Variants in GRIN2B observed in about 807,000 individuals in gnomAD.
The protein encoded by GRIN2B is glutamate receptor ionotropic, NMDA 2B.
GRIN2B carries 5 observed loss-of-function variants against 114.5 expected under a neutral mutation model. The ratio of observed to expected loss-of-function variants is 0.04; its 90% CI spans 0.02 to 0.09. GRIN2B has a LOEUF of 0.09. Ranked by LOEUF, GRIN2B falls within the 10% of genes least tolerant of loss-of-function variation. GRIN2B has a pLI of 1.00. For missense variants in GRIN2B, 1,108 were observed against 1,943.5 expected (o/e 0.57, Z 8.08); for synonymous variants, 787 against 745.1 (o/e 1.06, Z -0.92).
At chr12:13,711,508 C>T in intron 4 of GRIN2B, among the ~76,000 whole-genome samples, 1 of 152,088 alleles carries the variant, frequency 6.6e-6, no homozygotes, top group Non-Finnish European at 1.5e-5. Flanking sequence ...CCAGAATCTA[C>T]AATGAACTCC....
chr12:13,909,784 A>T (rs146547027), intron 2 of GRIN2B, among the ~76,000 whole-genome samples: 1 of 152,342 alleles, frequency 6.6e-6, no homozygotes, highest in Admixed American at 6.5e-5. Flanking sequence ...GGGTGCTGTA[A>T]ATCACAGACA....
intron 3 of GRIN2B, among the ~76,000 whole-genome samples, chr12:13,846,822 G>A (rs1207671796): frequency 3.9e-5 from 6 of 152,080 alleles, no homozygotes; most frequent in Non-Finnish European, 8.8e-5. Context: ...TCGGGAAAAT[G>A]GAAAGAGAAG....
intron 10 of GRIN2B, among the ~76,000 whole-genome samples, chr12:13,606,367 C>G (rs1949247578): frequency 1.3e-5 from 2 of 152,082 alleles, no homozygotes; most frequent in Admixed American, 6.6e-5. Flanking sequence ...AGAGAGGAAG[C>G]AAGAGAGAGG....
chr12:13,910,519 C>T (rs544802596), intron 2 of GRIN2B, among the ~76,000 whole-genome samples: 43 of 152,248 alleles, frequency 2.8e-4, no homozygotes, highest in African/African-American at 9.4e-4. Context: ...GACGCAAGTC[C>T]TCCTTCCTCT....
chr12:13,717,066 C>CGCGTGT (rs200897660), intron 4 of GRIN2B, among the ~76,000 whole-genome samples: 21 of 146,038 alleles, frequency 1.4e-4, no homozygotes, highest in African/African-American at 3.5e-4. Flanking sequence ...ATGCCATACG[C>CGCGTGT]GTGTGTGTGT....
At chr12:13,959,713 G>A (rs1471473701) in intron 2 of GRIN2B, among the ~76,000 whole-genome samples, 1 of 151,680 alleles carries the variant, frequency 6.6e-6, no homozygotes, top group Non-Finnish European at 1.5e-5. Context: ...AAGAGATGCT[G>A]ATTGAATGAA....
At chr12:13,799,648 A>G (rs1864471683) in intron 3 of GRIN2B, among the ~76,000 whole-genome samples, 1 of 152,058 alleles carries the variant, frequency 6.6e-6, no homozygotes, top group Non-Finnish European at 1.5e-5. Context: ...TTATGGGTCT[A>G]TTTAAAATCC....
chr12:13,890,451 A>T (rs1866239729), intron 2 of GRIN2B, among the ~76,000 whole-genome samples: 1 of 152,112 alleles, frequency 6.6e-6, no homozygotes, highest in African/African-American at 2.4e-5. Flanking sequence ...TCGTTTGCGG[A>T]GGACTGGAGG....
In GRIN2B at chr12:13,562,571, A is replaced by C; in HGVS notation, c.*212T>G. On this transcript the variant is annotated 3_prime_UTR_variant, in exon 14 of 14. Coordinates refer to ENST00000609686, the MANE Select transcript of GRIN2B (RefSeq NM_000834.5). ...ACAGGAATGGCTGACAGCGGGGGGA[A>C]GAAGGAGAGAACTGTGAAAAGGAGG... The C allele has an allele frequency of 1.7e-6, 1 of 575,930 alleles. No individual in the cohort carries two copies. The allele number at this position is 575,930 out of a possible 1,614,324, so 35.7% of individuals were successfully genotyped here.
intron 3 of GRIN2B, among the ~76,000 whole-genome samples, chr12:13,811,989 G>T (rs2136684826): frequency 6.6e-6 from 1 of 152,278 alleles, no homozygotes; most frequent in Non-Finnish European, 1.5e-5. Context: ...TTCCAGAAAA[G>T]GGGTCTATAG....
chr12:13,858,076 C>T (rs1395740852), intron 3 of GRIN2B, among the ~76,000 whole-genome samples: 1 of 152,108 alleles, frequency 6.6e-6, no homozygotes, highest in Non-Finnish European at 1.5e-5. Flanking sequence ...AAATCACTAC[C>T]TAAAGGTATT....
At chr12:13,581,778 C>T (rs754266473) in intron 10 of GRIN2B, among the ~76,000 whole-genome samples, 22 of 151,892 alleles carry the variant, frequency 1.4e-4, no homozygotes, top group Non-Finnish European at 2.2e-4. Context: ...GGTGTGGTGG[C>T]GCATGCCTGT....
At chr12:13,899,027 T>C (rs1866400296) in intron 2 of GRIN2B, among the ~76,000 whole-genome samples, 1 of 152,216 alleles carries the variant, frequency 6.6e-6, no homozygotes. Context: ...AGAATTCCTT[T>C]CCCCATTTTA....
At chr12:13,818,069 T>C (rs141772684) in intron 3 of GRIN2B, among the ~76,000 whole-genome samples, 5 of 152,338 alleles carry the variant, frequency 3.3e-5, no homozygotes, top group African/African-American at 7.2e-5. Context: ...GTCTGGGCAG[T>C]GAATGCCTAT....
In GRIN2B at chr12:13,925,534, C is replaced by CT. The variant is rs1456619847; in HGVS notation, c.-19+54393dup. Among the ~76,000 whole-genome samples, 3 of 152,222 alleles carry CT rather than the reference C, an allele frequency of 2.0e-5. No homozygotes were observed. The East Asian group carries it at 5.8e-4, about 29-fold the overall frequency. On this transcript the variant is annotated intron_variant, in intron 2 of 13. Transcript: ENST00000609686. ...TATGGCTCAGCAGGTCAGACCAGCA[C>CT]TTCTTACACTTTATCTCTCCCTGGA...
chr12:13,954,463 C>T (rs1867549693), intron 2 of GRIN2B, among the ~76,000 whole-genome samples: 1 of 152,104 alleles, frequency 6.6e-6, no homozygotes, highest in African/African-American at 2.4e-5. Context: ...CATTGGTCAT[C>T]AGGCTCTTAC....
At position 13,860,779 on chromosome 12, in the gene GRIN2B, G is replaced by T. The variant is rs564575205; in HGVS notation, c.411+5019C>A. Among the ~76,000 whole-genome samples the T allele has an allele frequency of 3.3e-5, 5 of 152,260 alleles. No individual in the cohort carries two copies. In the South Asian group the frequency reaches 1.0e-3, roughly 32 times the overall value. ...ATCAACATGTCTATTTCCAGATCCT[G>T]ACCCTTTACTCAGCATACCCTTTTC... On this transcript the variant is annotated intron_variant, in intron 3 of 13. Transcript: ENST00000609686.
intron 5 of GRIN2B, among the ~76,000 whole-genome samples, chr12:13,626,129 T>A (rs1949563667): frequency 1.3e-5 from 2 of 152,174 alleles, no homozygotes; most frequent in Non-Finnish European, 2.9e-5. Context: ...ACCTTCTCCT[T>A]TGATGTGCCT....
Position 13,890,614 on chromosome 12 carries a change from A to G in GRIN2B, c.-18-24388T>C, listed in dbSNP as rs117234555. Among the ~76,000 whole-genome samples the G allele has an allele frequency of 4.7e-3, 711 of 152,294 alleles. 3 individuals are homozygous for G. The highest frequency in any genetic ancestry group is 0.014 in the South Asian group (66 of 4,818). On this transcript the variant is annotated intron_variant, in intron 2 of 13. Coordinates refer to ENST00000609686, the MANE Select transcript of GRIN2B (RefSeq NM_000834.5). ...CTCACACTATTTTTACTTAGTGTAT[A>G]TATTTCTTGAGAAGAAGGGGTGCTT... is the stretch of plus-strand genomic sequence containing the variant.
Sources: allele counts gnomAD v4.1 joint callset (sites outside exome capture counted in the v4.1 genomes callset), GRCh38; gene constraint gnomAD v4.1.1; transcripts MANE v1.5; gene names NCBI Gene and HGNC (gene_info 2026-07-23, HGNC 2026-07-21).